The following MYH11 variants were observed in gnomAD, a reference collection of about 807,000 sequenced individuals.
MYH11 encodes myosin heavy chain 11.
MYH11 carries 80 observed loss-of-function variants against 246.6 expected under a neutral mutation model. The ratio of observed to expected loss-of-function variants is 0.32; its 90% CI spans 0.27 to 0.39. The LOEUF is 0.39. Among genes scored for constraint, MYH11 ranks in the 10% least tolerant of loss-of-function variants. The pLI is 1.00. For synonymous variants in MYH11, 1,071 were observed against 1,015.5 expected, an observed-to-expected ratio of 1.05 and a Z score of -1.04; for missense variants, 2,158 against 2,546.8, an observed-to-expected ratio of 0.85 and a Z score of 3.29.
chr16:15,816,991 C>G (rs1023627577), intron 3 of MYH11, among the ~76,000 whole-genome samples: 2 of 152,022 alleles, frequency 1.3e-5, no homozygotes, highest in African/African-American at 4.8e-5. Context: ...AAATATAGGA[C>G]TGTATATATA....
At chr16:15,779,183 GCAGTGGTGCAATCA>G (rs2042291945) in intron 6 of MYH11, 1 of 401,174 alleles carries the variant, frequency 2.5e-6, no homozygotes, top group Non-Finnish European at 4.7e-6. Flanking sequence ...GGGCTGGAGT[GCAGTGGTGCAATCA>G]CAGCTCACTG....
intron 6 of MYH11, 100 bp from the exon 7 acceptor site, chr16:15,778,943 G>T: frequency 8.8e-7 from 1 of 1,133,872 alleles, no homozygotes; most frequent in Non-Finnish European, 1.3e-6. Context: ...AGGATGGGAG[G>T]TGGGGCGGGG....
chr16:15,842,100 C>T (rs1221308749), intron 1 of MYH11, among the ~76,000 whole-genome samples: 1 of 152,106 alleles, frequency 6.6e-6, no homozygotes, highest in Non-Finnish European at 1.5e-5. Context: ...ATTTTAAGAA[C>T]CTGCTGCTGG....
chr16:15,847,119 A>G (rs1419212534), intron 1 of MYH11, among the ~76,000 whole-genome samples: 6 of 152,140 alleles, frequency 3.9e-5, no homozygotes, highest in Non-Finnish European at 8.8e-5. Flanking sequence ...ACAGTTCAGT[A>G]GCATTAAGTA....
chr16:15,763,738 A>AGGTCGGGGGGGGCC, intron 10 of MYH11, 58 bp downstream of exon 10: 1 of 717,692 alleles, frequency 1.4e-6, no homozygotes, highest in Non-Finnish European at 2.6e-6. Context: ...GTTAAATGTC[A>AGGTCGGGGGGGGCC]CCTCCCCCAC....
Position 15,750,325 on chromosome 16 carries a change from C to T in MYH11, c.1871G>A (p.Arg624His), listed in dbSNP as rs201991156. ...GGCCATCTGGTCCAGGCCCACGATG[C>T]GGTCCACTATGGGGCACAGCCAGGG... ...FVADLWKDVD[R>H]IVGLDQMAKM... Residue 624 changes from arginine to histidine, a missense_variant, in exon 16 of 41, where the codon CGC becomes CAC. Physicochemically the swap from Arg to His is conservative, Grantham distance 29 (BLOSUM62 0). Around this residue, in one of 11 missense-constraint regions of MYH11, gnomAD observed 317 missense variants for 507.7 expected, o/e 0.62. Transcript: ENST00000300036. This position sits in a 1 kb window ranked among gnomAD's most constrained non-coding sequence, Gnocchi z 4.3. 667 of 1,601,094 alleles carry T rather than the reference C, an allele frequency of 4.2e-4. 6 individuals are homozygous for T. Among genetic ancestry groups the T allele is most frequent in the South Asian group, 6.0e-4 (54 of 89,580 alleles).
At chr16:15,812,072 G>A (rs1259228058) in intron 3 of MYH11, among the ~76,000 whole-genome samples, 2 of 152,176 alleles carry the variant, frequency 1.3e-5, no homozygotes, top group African/African-American at 4.8e-5. Context: ...GCTTTGAGCT[G>A]TCAACACTCT....
At chr16:15,725,033 G>A in intron 28 of MYH11, 41 bp from the exon 29 acceptor site, 1 of 1,567,718 alleles carries the variant, frequency 6.4e-7, no homozygotes, top group Non-Finnish European at 8.8e-7. Context: ...GCCTCTAGAA[G>A]GGGATCCTCG....
intron 3 of MYH11, among the ~76,000 whole-genome samples, chr16:15,799,977 AGGGTAGATGGGTGAATGGAAGGGT>A (rs1031674300): frequency 3.4e-5 from 5 of 147,640 alleles, no homozygotes; most frequent in Non-Finnish European, 6.0e-5. Context: ...AAAGGAAGGA[AGGGTAGATGGGTGAATGGAAGGGT>A]GGGTAGATGG....
chr16:15,720,876 T>G lies in MYH11; in HGVS notation c.4754A>C (p.Glu1585Ala). 1 of 1,613,960 alleles carries G rather than the reference T, an allele frequency of 6.2e-7. No individual in the cohort carries two copies. The highest frequency in any genetic ancestry group is 8.5e-7 in the Non-Finnish European group (1 of 1,180,016). Residue 1585 changes from glutamate to alanine, a missense_variant, in exon 33 of 41, where the codon GAG becomes GCG. This residue lies in a region of MYH11 where 1,013 missense variants were observed against 993.5 expected (regional missense o/e 1.02). Transcript: ENST00000300036. ...QFERDLQARD[E>A]QNEEKRRQLQ... ...TTGCCTCCTCTTCTCCTCATTCTGC[T>G]CGTCCCGGGCTTGGAGATCCCTTTC...
intron 2 of MYH11, among the ~76,000 whole-genome samples, chr16:15,829,323 A>C (rs1054466232): frequency 6.6e-6 from 1 of 152,218 alleles, no homozygotes; most frequent in Non-Finnish European, 1.5e-5. Context: ...TGCCGTGCAC[A>C]CAACAAGCAC....
chr16:15,802,707 C>T (rs1374047140), intron 3 of MYH11, among the ~76,000 whole-genome samples: 2 of 152,162 alleles, frequency 1.3e-5, no homozygotes, highest in African/African-American at 4.8e-5. Context: ...CCTCAGCCTC[C>T]CAAAGTGCTG....
intron 10 of MYH11, among the ~76,000 whole-genome samples, chr16:15,762,222 G>T (rs932238902): frequency 8.5e-5 from 13 of 152,272 alleles, no homozygotes; most frequent in African/African-American, 2.9e-4. Flanking sequence ...TGATCCACCT[G>T]CCTGGGCCTC....
intron 3 of MYH11, among the ~76,000 whole-genome samples, chr16:15,802,791 G>A (rs1359505360): frequency 6.6e-6 from 1 of 152,052 alleles, no homozygotes; most frequent in Non-Finnish European, 1.5e-5. Context: ...TGTAATTAAG[G>A]GAAGGATGTT....
At chr16:15,777,104 T>TACACACACACAC (rs111888764) in intron 7 of MYH11, among the ~76,000 whole-genome samples, 2 of 147,876 alleles carry the variant, frequency 1.4e-5, no homozygotes, top group Admixed American at 6.7e-5. Flanking sequence ...CACGCACACA[T>TACACACACACAC]ACACACACAC....
chr16:15,814,553 CAAAAAAAAAAAAA>C lies in MYH11; in HGVS notation c.502+8689_502+8701del, dbSNP rs58806731. On this transcript the variant is annotated intron_variant, in intron 3 of 40. Transcript: ENST00000300036. ...GGACAACGAGAGTGAAACTCCATCT[CAAAAAAAAAAAAA>C]AAAAAAAAAAAAAAAAAAGGTACCA... Among the ~76,000 whole-genome samples, 43 of 22,826 alleles carry C rather than the reference CAAAAAAAAAAAAA, an allele frequency of 1.9e-3. 1 individual carries two copies. The highest frequency in any genetic ancestry group is 0.042 in the Middle Eastern group (1 of 24). The allele number at this position is 22,826 out of a possible 152,430, so 15.0% of individuals were successfully genotyped here. A position where few individuals can be genotyped will look rare whatever the true frequency, so the allele number is the denominator to read the frequency against.
chr16:15,725,133 A>AT (rs1490709218), intron 28 of MYH11, 141 bp from the exon 29 acceptor site: 11 of 634,734 alleles, frequency 1.7e-5, no homozygotes, highest in South Asian at 3.7e-5. Context: ...TGGGACTCTG[A>AT]TAAAAAAAAA....
At chr16:15,758,056 A>G (rs1036353123) in intron 12 of MYH11, 56 bp from the exon 13 acceptor site, 3 of 1,611,168 alleles carry the variant, frequency 1.9e-6, no homozygotes, top group South Asian at 1.1e-5. Context: ...GTCAGAAGAC[A>G]AGGAGCCCCA....
Position 15,719,578 on chromosome 16 carries a change from G to A in MYH11, c.5082+7C>T, listed in dbSNP as rs750377968. 2 of 1,614,028 alleles carry A rather than the reference G, an allele frequency of 1.2e-6. No homozygotes were observed. The highest frequency in any genetic ancestry group is 1.1e-5 in the South Asian group (1 of 91,076). On this transcript the variant is annotated splice_region_variant and intron_variant, in intron 35 of 40. Transcript: ENST00000300036. ...TCTGAGGCTCTCCTAGCAAGGCGAG[G>A]CTTTACCTCTTGTAGCTGCATGAGG...
Sources: allele counts gnomAD v4.1 joint callset (sites outside exome capture counted in the v4.1 genomes callset), GRCh38; gene constraint gnomAD v4.1.1; regional missense constraint gnomAD v4.1.1; non-coding constraint Gnocchi (gnomAD v3.1); transcripts MANE v1.5; gene names NCBI Gene and HGNC (gene_info 2026-07-23, HGNC 2026-07-21).